NCOA1: variants seen among roughly 807,000 people sequenced by gnomAD.
NCOA1 encodes Hin-2 protein.
In NCOA1, 35 loss-of-function variants were observed where a neutral mutation model predicts 150.9. The observed-to-expected ratio is 0.23, with a 90% CI of 0.18 to 0.31. The LOEUF (loss-of-function observed/expected upper bound fraction) is 0.31. Among genes scored for constraint, NCOA1 ranks in the 10% least tolerant of loss-of-function variants. NCOA1 has a pLI of 1.00. For synonymous variants in NCOA1, 590 were observed against 630.0 expected (o/e 0.94, Z 0.95); for missense variants, 1,491 against 1,749.3 (o/e 0.85, Z 2.63).
chr2:24,534,636 T>A (rs1665047692), intron 1 of NCOA1, among the ~76,000 whole-genome samples: 1 of 152,224 alleles, frequency 6.6e-6, no homozygotes, highest in African/African-American at 2.4e-5. Flanking sequence ...TCCCAGAGAT[T>A]CTGGTAGTTG....
rs1331499411 is a variant in NCOA1 at position 24,753,530 on chromosome 2, C to T, written c.3881+1374C>T. On this transcript the variant is annotated intron_variant, in intron 20 of 22. Coordinates refer to ENST00000348332, the MANE Select transcript of NCOA1 (RefSeq NM_003743.5). Reference sequence around the variant, plus strand: ...TCCCATCATTCCACAGAAAGTGTCCCTGTCAAGATAGTTAAATGTCCTTTT... The same window carrying T: ...TCCCATCATTCCACAGAAAGTGTCCTTGTCAAGATAGTTAAATGTCCTTTT... 6.0e-4 allele frequency among the ~76,000 whole-genome samples: 92 copies of T among 152,284 alleles called. No homozygotes were observed. The Middle Eastern group carries it at 0.017, about 28-fold the overall frequency.
At chr2:24,511,256 T>C (rs1271261910) in intron 1 of NCOA1, among the ~76,000 whole-genome samples, 1 of 152,250 alleles carries the variant, frequency 6.6e-6, no homozygotes, top group Admixed American at 6.5e-5. Flanking sequence ...TGAACTTTCA[T>C]GTACAAGTTT....
chr2:24,580,663 T>C (rs888834871), intron 2 of NCOA1, among the ~76,000 whole-genome samples: 9 of 152,226 alleles, frequency 5.9e-5, no homozygotes, highest in Non-Finnish European at 1.3e-4. Flanking sequence ...TGCTTTGTTT[T>C]TGAGACTCTC....
intron 1 of NCOA1, among the ~76,000 whole-genome samples, chr2:24,525,631 C>G (rs1369558548): frequency 2.0e-5 from 3 of 151,666 alleles, no homozygotes; most frequent in Admixed American, 6.6e-5. Context: ...ACTGCGGCCT[C>G]TGCCTCCTGG....
At chr2:24,692,747 A>G (rs1672722491) in intron 9 of NCOA1, among the ~76,000 whole-genome samples, 1 of 152,226 alleles carries the variant, frequency 6.6e-6, no homozygotes, top group African/African-American at 2.4e-5. Context: ...TATGCCAACT[A>G]ACTCTCTACC....
Position 24,767,990 on chromosome 2 carries a change from G to A in NCOA1, c.4156-231G>A. 9.1e-6 allele frequency: 12 copies of A among 1,313,260 alleles called. 1 individual carries two copies. The South Asian group carries it at 1.3e-4, about 15-fold the overall frequency. 81.4% of individuals were successfully genotyped at this position (1,313,260 alleles called of 1,614,324 possible). A position where few individuals can be genotyped will look rare whatever the true frequency, so the allele number is the denominator to read the frequency against. ...AGTATTGATGGCAACCCTATAGGAG[G>A]CGTGACCATTCCAATTTTGATTTTA... On this transcript the variant is annotated intron_variant, in intron 22 of 22. Transcript: ENST00000348332.
At position 24,707,480 on chromosome 2, in the gene NCOA1, C is replaced by G; in HGVS notation, c.2010C>G (p.Asn670Lys). The G allele has an allele frequency of 1.2e-6, 2 of 1,614,222 alleles. No homozygotes were observed. The highest frequency in any genetic ancestry group is 1.7e-6 in the Non-Finnish European group (2 of 1,180,026). The change falls in exon 13 of 23, where the codon AAC becomes AAG. Residue 670 changes from asparagine (N) to lysine (K), a missense_variant. Coordinates refer to ENST00000348332, the MANE Select transcript of NCOA1 (RefSeq NM_003743.5). Reference sequence around the variant, plus strand: ...GCACTTCCAACTCTGCCTCTGCTAACTCTTCAGGAGGTTCTTGTCCCTCTT... The same window carrying G: ...GCACTTCCAACTCTGCCTCTGCTAAGTCTTCAGGAGGTTCTTGTCCCTCTT... ...CTGTSNSASA[N>K]SSGGSCPSSH...
intron 22 of NCOA1, among the ~76,000 whole-genome samples, chr2:24,763,606 G>T (rs1202663318): frequency 4.4e-5 from 6 of 137,904 alleles, no homozygotes; most frequent in African/African-American, 1.4e-4. Context: ...TTGAACTTTG[G>T]TCTCTCTCTC....
At chr2:24,632,745 C>G (rs1572517714) in intron 3 of NCOA1, among the ~76,000 whole-genome samples, 1 of 152,138 alleles carries the variant, frequency 6.6e-6, no homozygotes, top group East Asian at 1.9e-4. Context: ...AAGTTTGTTT[C>G]TTATAGGGGT....
chr2:24,610,014 A>G (rs1463566969), intron 3 of NCOA1, among the ~76,000 whole-genome samples: 1 of 151,080 alleles, frequency 6.6e-6, no homozygotes, highest in African/African-American at 2.4e-5. Flanking sequence ...ATTTCATTGC[A>G]TTGTGATCAG....
chr2:24,713,511 T>A (rs1673864574), intron 14 of NCOA1, among the ~76,000 whole-genome samples: 2 of 152,268 alleles, frequency 1.3e-5, no homozygotes, highest in South Asian at 4.1e-4. Context: ...TTTTCAAAGG[T>A]AATATTGGAA....
chr2:24,745,897 C>CT (rs1238433625), intron 19 of NCOA1, among the ~76,000 whole-genome samples: 2 of 152,222 alleles, frequency 1.3e-5, no homozygotes, highest in African/African-American at 4.8e-5. Context: ...TGTCTATACT[C>CT]TATCTAAAGT....
At chr2:24,614,087 C>G (rs1668757092) in intron 3 of NCOA1, among the ~76,000 whole-genome samples, 1 of 150,300 alleles carries the variant, frequency 6.7e-6, no homozygotes, top group South Asian at 2.1e-4. Context: ...GAGGCCTAAA[C>G]TTTTTTCTCA....
intron 3 of NCOA1, among the ~76,000 whole-genome samples, chr2:24,616,887 A>G (rs1668894111): frequency 6.6e-6 from 1 of 152,178 alleles, no homozygotes; most frequent in Non-Finnish European, 1.5e-5. Flanking sequence ...AATGAAATCC[A>G]GTCTGTAAAA....
intron 1 of NCOA1, among the ~76,000 whole-genome samples, chr2:24,549,778 AC>A (rs1304281035): frequency 2.0e-5 from 3 of 152,036 alleles, no homozygotes; most frequent in African/African-American, 7.2e-5. Flanking sequence ...CACCGTGTTA[AC>A]CAGGATGGTC....
chr2:24,716,894 C>T (rs954750872), intron 14 of NCOA1, among the ~76,000 whole-genome samples: 4 of 152,214 alleles, frequency 2.6e-5, no homozygotes, highest in South Asian at 2.1e-4. Context: ...TTTCCTAACT[C>T]ATATTGTAAA....
chr2:24,684,794 T>A (rs1323416877), intron 8 of NCOA1, among the ~76,000 whole-genome samples: 1 of 152,216 alleles, frequency 6.6e-6, no homozygotes, highest in Non-Finnish European at 1.5e-5. Context: ...ACAGTGTTGG[T>A]TGATCATCCA....
At chr2:24,622,653 C>A (rs1669221627) in intron 3 of NCOA1, among the ~76,000 whole-genome samples, 1 of 152,052 alleles carries the variant, frequency 6.6e-6, no homozygotes, top group Non-Finnish European at 1.5e-5. Flanking sequence ...TTTTTTTAGT[C>A]TTTTGCCATT....
rs764473745 is a variant in NCOA1 at position 24,742,112 on chromosome 2, G to C, written c.3632G>C (p.Gly1211Ala). The change falls in exon 19 of 23, where the codon GGA (glycine) becomes GCA (alanine). Residue 1211 changes from glycine to alanine, a missense_variant. Coordinates refer to ENST00000348332, the MANE Select transcript of NCOA1 (RefSeq NM_003743.5). ...AGCATGGTGAGCAGAGGCATGACAGGAAACATAGGAGGACAGTTTGGCACT... is the reference window on the plus strand; with the variant it reads ...AGCATGGTGAGCAGAGGCATGACAGCAAACATAGGAGGACAGTTTGGCACT... ...RNSMVSRGMT[G>A]NIGGQFGTGI... 19 of 1,614,086 alleles carry C rather than the reference G, an allele frequency of 1.2e-5. No individual in the cohort carries two copies. Among genetic ancestry groups the C allele is most frequent in the Non-Finnish European group, 1.6e-5 (19 of 1,180,038 alleles).
Sources: allele counts gnomAD v4.1 joint callset (sites outside exome capture counted in the v4.1 genomes callset), GRCh38; gene constraint gnomAD v4.1.1; transcripts MANE v1.5; gene names NCBI Gene and HGNC (gene_info 2026-07-23, HGNC 2026-07-21).